The following MAGI2 variants were observed in gnomAD, a reference collection of about 807,000 sequenced individuals.
The protein encoded by MAGI2 is membrane associated guanylate kinase, WW and PDZ domain containing 2, also known as membrane-associated guanylate kinase, WW and PDZ domain-containing protein 2.
Under a neutral mutation model 133.3 loss-of-function variants are expected in MAGI2, and 35 were observed. The observed-to-expected ratio is 0.26, with a 90% CI of 0.20 to 0.35. The LOEUF (loss-of-function observed/expected upper bound fraction) is 0.35. Ranked by LOEUF, MAGI2 falls within the 10% of genes least tolerant of loss-of-function variation. The pLI is 1.00. For missense variants in MAGI2, 1,636 were observed against 1,863.4 expected (o/e 0.88, Z 2.25); for synonymous variants, 729 against 710.6 (o/e 1.03, Z -0.41).
chr7:79,207,950 C>A (rs781668520), intron 1 of MAGI2, among the ~76,000 whole-genome samples: 23 of 151,936 alleles, frequency 1.5e-4, no homozygotes, highest in Non-Finnish European at 7.4e-5. Context: ...GCCAGTCTTT[C>A]CAATAAATGA....
chr7:78,293,877 T>C (rs948001747), intron 9 of MAGI2, among the ~76,000 whole-genome samples: 2 of 152,102 alleles, frequency 1.3e-5, no homozygotes, highest in Admixed American at 6.6e-5. Context: ...TAGGTGGGAA[T>C]TGAACAATGA....
At chr7:78,858,292 T>C (rs2151494319) in intron 2 of MAGI2, among the ~76,000 whole-genome samples, 2 of 152,336 alleles carry the variant, frequency 1.3e-5, no homozygotes, top group East Asian at 3.9e-4. Flanking sequence ...TGCCTTCTGC[T>C]AGCTTTTGAA....
chr7:78,066,331 G>A (rs1290481135), intron 21 of MAGI2, among the ~76,000 whole-genome samples: 8 of 152,124 alleles, frequency 5.3e-5, no homozygotes, highest in African/African-American at 7.2e-5. Context: ...GCAGGTTGGT[G>A]TGCGCCTGTA....
At chr7:79,364,183 G>A (rs1361149002) in intron 1 of MAGI2, among the ~76,000 whole-genome samples, 3 of 151,952 alleles carry the variant, frequency 2.0e-5, no homozygotes, top group Non-Finnish European at 2.9e-5. Context: ...TACAGAGGTT[G>A]CTTTTCTCAA....
At chr7:79,309,968 T>TAAAAAAAAAAAAAAAAAAA (rs111847690) in intron 1 of MAGI2, among the ~76,000 whole-genome samples, 3 of 101,496 alleles carry the variant, frequency 3.0e-5, no homozygotes, top group Non-Finnish European at 3.9e-5. Context: ...TTGTTTTTCC[T>TAAAAAAAAAAAAAAAAAAA]AAAAAAAAAA....
At chr7:78,166,591 C>T (rs987478095) in intron 15 of MAGI2, among the ~76,000 whole-genome samples, 1 of 152,120 alleles carries the variant, frequency 6.6e-6, no homozygotes. Flanking sequence ...TTTGACTTGC[C>T]CTTTTAAATG....
chr7:79,005,322 C>T (rs1452753911), intron 2 of MAGI2, among the ~76,000 whole-genome samples: 1 of 152,054 alleles, frequency 6.6e-6, no homozygotes, highest in African/African-American at 2.4e-5. Flanking sequence ...CTAATCATCT[C>T]CTTTATAGGA....
rs2151381345 is a variant in MAGI2 at position 78,412,879 on chromosome 7, T to C, written c.1046-43666A>G. On this transcript the variant is annotated intron_variant, in intron 6 of 21. Coordinates refer to ENST00000354212, the MANE Select transcript of MAGI2 (RefSeq NM_012301.4). ...TATGTTTCTCTTGATGATTTATAAA[T>C]TTCCAATTTTTGAAGCCTAAAATAT... Among the ~76,000 whole-genome samples the C allele has an allele frequency of 2.0e-5, 3 of 152,220 alleles. No individual in the cohort carries two copies. In the South Asian group the frequency reaches 6.2e-4, roughly 32 times the overall value.
intron 2 of MAGI2, among the ~76,000 whole-genome samples, chr7:78,926,518 C>A (rs1799705197): frequency 6.6e-6 from 1 of 152,084 alleles, no homozygotes; most frequent in East Asian, 1.9e-4. Flanking sequence ...CATACAGTTC[C>A]TGTCTTTCTT....
intron 3 of MAGI2, chr7:78,615,160 T>A (rs555356812): frequency 6.6e-6 from 1 of 152,178 alleles, no homozygotes; most frequent in African/African-American, 2.4e-5. Context: ...TACACCATTA[T>A]ACACATTTTC....
intron 2 of MAGI2, among the ~76,000 whole-genome samples, chr7:78,638,113 A>C (rs1809875412): frequency 6.6e-6 from 1 of 152,140 alleles, no homozygotes; most frequent in South Asian, 2.1e-4. Context: ...AGCTGAACTC[A>C]TCACCTGAAC....
At chr7:79,294,792 C>T (rs1223504486) in intron 1 of MAGI2, among the ~76,000 whole-genome samples, 3 of 139,576 alleles carry the variant, frequency 2.1e-5, no homozygotes, top group African/African-American at 8.0e-5. Context: ...TGCAGGGGCG[C>T]AATCTCGGCT....
At chr7:78,090,525 T>C (rs1038718093) in intron 20 of MAGI2, among the ~76,000 whole-genome samples, 3 of 152,210 alleles carry the variant, frequency 2.0e-5, no homozygotes, top group Non-Finnish European at 4.4e-5. Flanking sequence ...TTGCTCACTA[T>C]GGTTTTCCTA....
chr7:78,073,517 A>G (rs1814941449), intron 21 of MAGI2, among the ~76,000 whole-genome samples: 1 of 152,124 alleles, frequency 6.6e-6, no homozygotes, highest in African/African-American at 2.4e-5. Flanking sequence ...ACCAACCCAG[A>G]CTAAAAAGCA....
intron 1 of MAGI2, among the ~76,000 whole-genome samples, chr7:79,201,052 C>T (rs888910475): frequency 3.3e-5 from 5 of 151,988 alleles, no homozygotes; most frequent in Non-Finnish European, 4.4e-5. Context: ...GTGCAATCAA[C>T]GTACTCCAAG....
At chr7:78,885,628 AGTGTGTGTGTGT>A (rs61111430) in intron 2 of MAGI2, among the ~76,000 whole-genome samples, 1 of 148,858 alleles carries the variant, frequency 6.7e-6, no homozygotes, top group South Asian at 2.2e-4. Flanking sequence ...TGAAAGGAAT[AGTGTGTGTGTGT>A]GTGTGTGTGT....
chr7:78,175,182 C>G (rs1338612325), intron 14 of MAGI2, among the ~76,000 whole-genome samples: 1 of 152,072 alleles, frequency 6.6e-6, no homozygotes, highest in Non-Finnish European at 1.5e-5. Flanking sequence ...TTGGACTCAC[C>G]CAATTTTTTC....
At chr7:78,938,154 A>C in intron 2 of MAGI2, among the ~76,000 whole-genome samples, 1 of 152,100 alleles carries the variant, frequency 6.6e-6, no homozygotes, top group East Asian at 1.9e-4. Context: ...GAAAAGAATA[A>C]AATTTACATA....
intron 1 of MAGI2, among the ~76,000 whole-genome samples, chr7:79,368,664 C>T (rs1195008045): frequency 6.6e-6 from 1 of 151,186 alleles, no homozygotes; most frequent in Non-Finnish European, 1.5e-5. Context: ...CCGGCTAAAA[C>T]GGTGAAACCC....
Sources: allele counts gnomAD v4.1 joint callset (sites outside exome capture counted in the v4.1 genomes callset), GRCh38; gene constraint gnomAD v4.1.1; transcripts MANE v1.5; gene names NCBI Gene and HGNC (gene_info 2026-07-23, HGNC 2026-07-21).